Variants in MTMR9 observed in about 807,000 individuals in gnomAD.
The protein encoded by MTMR9 is myotubularin-related protein 9.
MTMR9 carries 39 observed loss-of-function variants against 69.5 expected under a neutral mutation model. The observed-to-expected ratio is 0.56, with a 90% CI of 0.43 to 0.73. MTMR9 has a LOEUF of 0.73. Ranked by LOEUF, MTMR9 falls within the 30% of genes least tolerant of loss-of-function variation. The probability of loss-of-function intolerance (pLI) is 0.00; values close to 1 mark genes in which losing one functional copy is unlikely to be tolerated. For synonymous variants in MTMR9, 354 were observed against 240.8 expected (o/e 1.47, Z -4.35); for missense variants, 900 against 671.2 (o/e 1.34, Z -3.77).
Position 11,316,794 on chromosome 8 carries a change from C to G in MTMR9, c.1235C>G (p.Pro412Arg), listed in dbSNP as rs1351474177. The G allele has an allele frequency of 4.3e-6, 7 of 1,613,718 alleles. No individual in the cohort carries two copies. The highest frequency in any genetic ancestry group is 5.9e-6 in the Non-Finnish European group (7 of 1,179,930). ...DCVWQILRQF[P>R]CSFEFNENFL... ...GTGTGGCAGATCCTTCGTCAGTTTCCCTGTTCTTTTGAGTTTAATGAGAAT... is the reference window on the plus strand; with the variant it reads ...GTGTGGCAGATCCTTCGTCAGTTTCGCTGTTCTTTTGAGTTTAATGAGAAT... Residue 412 changes from proline (P) to arginine (R), a missense_variant, in exon 8 of 10, where the codon CCC becomes CGC. Transcript: ENST00000221086.
In MTMR9 at chr8:11,328,000, C is replaced by G. The variant is rs1355210248; in HGVS notation, c.*5212C>G. On this transcript the variant is annotated 3_prime_UTR_variant, in exon 10 of 10. Transcript: ENST00000221086. Reference sequence around the variant, plus strand: ...TTGGTTTACTGAATCAAGAAAGAGTCTTGTCGAATGTGGTACTGTTCTTAG... The same window carrying G: ...TTGGTTTACTGAATCAAGAAAGAGTGTTGTCGAATGTGGTACTGTTCTTAG... 1 of 152,156 alleles carries G rather than the reference C, an allele frequency of 6.6e-6. No individual in the cohort carries two copies. The highest frequency in any genetic ancestry group is 1.5e-5 in the Non-Finnish European group (1 of 68,046). 9.4% of individuals were successfully genotyped at this position (152,156 alleles called of 1,614,324 possible). A position where few individuals can be genotyped will look rare whatever the true frequency, so the allele number is the denominator to read the frequency against.
intron 6 of MTMR9, among the ~76,000 whole-genome samples, chr8:11,310,535 C>A (rs1800155001): frequency 6.6e-6 from 1 of 152,132 alleles, no homozygotes; most frequent in South Asian, 2.1e-4. Context: ...AAGTTAGCAA[C>A]AGAGCCATCA....
chr8:11,287,938 TTATA>T (rs555018933), intron 1 of MTMR9, among the ~76,000 whole-genome samples: 2 of 128,944 alleles, frequency 1.6e-5, no homozygotes, highest in Non-Finnish European at 3.1e-5. Context: ...ATAATATGTG[TTATA>T]TATCATACGT....
chr8:11,322,218 C>G (rs944056596), intron 9 of MTMR9, among the ~76,000 whole-genome samples: 1 of 152,104 alleles, frequency 6.6e-6, no homozygotes, highest in African/African-American at 2.4e-5. Flanking sequence ...AATGGCTTCA[C>G]ACATTTAAGG....
chr8:11,304,431 T>A (rs1305183104), intron 3 of MTMR9, among the ~76,000 whole-genome samples: 1 of 152,200 alleles, frequency 6.6e-6, no homozygotes, highest in East Asian at 1.9e-4. Context: ...TTGGCCGTGA[T>A]AATTGTGGAT....
At chr8:11,307,811 T>A (rs76776519) in intron 5 of MTMR9, among the ~76,000 whole-genome samples, 2 of 150,720 alleles carry the variant, frequency 1.3e-5, no homozygotes, top group African/African-American at 4.9e-5. Flanking sequence ...ATGCAGAGCA[T>A]TTTTTTTTTC....
intron 1 of MTMR9, among the ~76,000 whole-genome samples, chr8:11,291,351 A>T (rs1259089382): frequency 6.6e-6 from 1 of 152,132 alleles, no homozygotes; most frequent in Non-Finnish European, 1.5e-5. Context: ...TTCTACCTGA[A>T]AAAACTAAGA....
chr8:11,330,603 A>G (rs1324133285), downstream of MTMR9, among the ~76,000 whole-genome samples: 2 of 152,092 alleles, frequency 1.3e-5, no homozygotes, highest in Non-Finnish European at 2.9e-5. Context: ...GATACTGTTG[A>G]TCTGTGACCT....
chr8:11,329,833 G>A (rs867392527), downstream of MTMR9, among the ~76,000 whole-genome samples: 13 of 150,890 alleles, frequency 8.6e-5, no homozygotes, highest in South Asian at 2.1e-4. Flanking sequence ...AGTGAGGAGC[G>A]CCTCTTCCTG....
At chr8:11,302,229 G>C (rs1238826206) in intron 3 of MTMR9, among the ~76,000 whole-genome samples, 1 of 144,804 alleles carries the variant, frequency 6.9e-6, no homozygotes, top group Non-Finnish European at 1.5e-5. Flanking sequence ...CTCCAGCCTG[G>C]GTGAGAGAGC....
intron 1 of MTMR9, among the ~76,000 whole-genome samples, chr8:11,290,144 C>T (rs1475628276): frequency 6.6e-6 from 1 of 152,172 alleles, no homozygotes; most frequent in Non-Finnish European, 1.5e-5. Flanking sequence ...CTAATTTTTC[C>T]AGTCTGAAGA....
intron 1 of MTMR9, among the ~76,000 whole-genome samples, chr8:11,288,971 GAC>G (rs2117350112): frequency 6.6e-6 from 1 of 152,216 alleles, no homozygotes; most frequent in East Asian, 1.9e-4. Flanking sequence ...TCAGGAGTTC[GAC>G]ACAGCCTGGC....
intron 1 of MTMR9, among the ~76,000 whole-genome samples, chr8:11,293,730 G>C (rs1799448491): frequency 6.7e-6 from 1 of 150,324 alleles, no homozygotes; most frequent in South Asian, 2.1e-4. Flanking sequence ...GTTAGTTTTT[G>C]TATATGGTTC....
rs1479113395 is a variant in MTMR9, at chr8:11,306,265, G to A, written c.667G>A (p.Ala223Thr). ...RCKEDEKLINATLRAGKRGYI... is the reference protein window; with the variant it reads ...RCKEDEKLINTTLRAGKRGYI... ...CAAGGAGGACGAGAAGCTGATAAATGCTACCCTCAGGGCTGGAAAGCGTGG... is the reference window on the plus strand; with the variant it reads ...CAAGGAGGACGAGAAGCTGATAAATACTACCCTCAGGGCTGGAAAGCGTGG... The change falls in exon 5 of 10, where the codon GCT becomes ACT. Residue 223 changes from alanine (A) to threonine (T), a missense_variant. Transcript: ENST00000221086. 1 of 1,614,020 alleles carries A rather than the reference G, an allele frequency of 6.2e-7. No homozygotes were observed. Among genetic ancestry groups the A allele is most frequent in the South Asian group, 1.1e-5 (1 of 91,082 alleles).
At chr8:11,334,621 A>C in the MTMR9 span, among the ~76,000 whole-genome samples, 7 of 152,228 alleles carry the variant, frequency 4.6e-5, no homozygotes, top group Admixed American at 3.3e-4. Flanking sequence ...AGAAAGTAAC[A>C]AAACATACAG....
intron 6 of MTMR9, among the ~76,000 whole-genome samples, chr8:11,312,004 A>G (rs189483659): frequency 8.6e-5 from 13 of 151,576 alleles, no homozygotes; most frequent in Admixed American, 2.6e-4. Flanking sequence ...TTCAAGTTTC[A>G]TCATGAAATT....
At chr8:11,330,257 C>A (rs1352299720), downstream of MTMR9, among the ~76,000 whole-genome samples, 1 of 150,458 alleles carries the variant, frequency 6.6e-6, no homozygotes, top group Non-Finnish European at 1.5e-5. Flanking sequence ...GAGGGTCAGC[C>A]CCCCACCGGC....
chr8:11,292,932 T>C (rs1799419870), intron 1 of MTMR9, among the ~76,000 whole-genome samples: 1 of 152,232 alleles, frequency 6.6e-6, no homozygotes, highest in African/African-American at 2.4e-5. Flanking sequence ...ATAAAACGAC[T>C]TTGTTACTGG....
intron 6 of MTMR9, among the ~76,000 whole-genome samples, chr8:11,310,055 C>T (rs1800134641): frequency 6.6e-6 from 1 of 152,030 alleles, no homozygotes; most frequent in Admixed American, 6.6e-5. Context: ...AACTTACCTC[C>T]TTACTTTTGA....
Sources: gnomAD v4.1 joint callset for allele counts (sites outside exome capture counted in the v4.1 genomes callset) on GRCh38, gnomAD v4.1.1 for gene constraint, MANE v1.5 for transcripts, NCBI Gene and HGNC (gene_info 2026-07-23, HGNC 2026-07-21) for gene names.